VSTM2L: variants seen among roughly 807,000 people sequenced by gnomAD.
VSTM2L encodes the protein V-set and transmembrane domain containing 2 like.
A neutral mutation model predicts 19.9 loss-of-function variants in VSTM2L; 9 were observed. The ratio of observed to expected loss-of-function variants is 0.45; its 90% CI spans 0.27 to 0.79. The LOEUF is 0.79. VSTM2L is among the 30% of genes least tolerant of loss of function. VSTM2L has a pLI of 0.15. For missense variants in VSTM2L, 286 were observed against 295.5 expected (o/e 0.97, Z 0.24); for synonymous variants, 127 against 133.8 (o/e 0.95, Z 0.35).
rs2072800460 is a variant in VSTM2L at position 37,914,368 on chromosome 20, ATG to A, written c.121+10904_121+10905del. ...GTGCATGTGTGTGGGGTGTTTATATATGTGTGTGGGTGTATGTGTGGGTGTGT... is the reference window on the plus strand; with the variant it reads ...GTGCATGTGTGTGGGGTGTTTATATATGTGTGGGTGTATGTGTGGGTGTGT... On this transcript the variant is annotated intron_variant, in intron 1 of 3. Coordinates refer to ENST00000373461, the MANE Select transcript of VSTM2L (RefSeq NM_080607.3). Among the ~76,000 whole-genome samples, 3 of 1,678 alleles carry A rather than the reference ATG, an allele frequency of 1.8e-3. No homozygotes were observed. The South Asian group carries it at 0.06, about 34-fold the overall frequency. The allele number at this position is 1,678 out of a possible 152,430, so 1.1% of individuals were successfully genotyped here.
intron 1 of VSTM2L, among the ~76,000 whole-genome samples, chr20:37,905,101 A>AG (rs1327953167): frequency 6.6e-6 from 1 of 152,030 alleles, no homozygotes; most frequent in African/African-American, 2.4e-5. Context: ...AGGCAAAGAC[A>AG]GCGCTTTTTT....
chr20:37,924,935 C>A (rs1266273705), intron 1 of VSTM2L, among the ~76,000 whole-genome samples: 1 of 152,094 alleles, frequency 6.6e-6, no homozygotes, highest in Non-Finnish European at 1.5e-5. Context: ...CTGGCAGACC[C>A]GTGGATCTTG....
intron 1 of VSTM2L, among the ~76,000 whole-genome samples, chr20:37,918,877 C>G (rs1000364468): frequency 3.3e-5 from 5 of 152,326 alleles, no homozygotes; most frequent in Admixed American, 3.3e-4. Flanking sequence ...AGAACCTGCA[C>G]CTCCTTCCAT....
At chr20:37,914,466 A>G (rs867451308) in intron 1 of VSTM2L, among the ~76,000 whole-genome samples, 809 of 4,058 alleles carry the variant, frequency 0.2, 5 homozygotes, top group Non-Finnish European at 0.3. Flanking sequence ...TATTGTGTGT[A>G]TGTGTGTATT....
At chr20:37,931,843 A>C (rs770847785) in intron 2 of VSTM2L, 39 bp downstream of exon 2, 1 of 1,596,884 alleles carries the variant, frequency 6.3e-7, no homozygotes, top group South Asian at 1.1e-5. Context: ...GGGCTGGGGA[A>C]GTCCTGGTCC....
intron 1 of VSTM2L, among the ~76,000 whole-genome samples, chr20:37,907,209 T>A (rs2072756025): frequency 6.6e-6 from 1 of 152,212 alleles, no homozygotes; most frequent in Non-Finnish European, 1.5e-5. Flanking sequence ...TGGGTTCAAA[T>A]GATCCTTTTA....
At chr20:37,934,118 G>A (rs2072926291) in intron 3 of VSTM2L, among the ~76,000 whole-genome samples, 1 of 152,246 alleles carries the variant, frequency 6.6e-6, no homozygotes, top group Admixed American at 6.5e-5. Context: ...GGGCAGCTGA[G>A]GCTCAGGAGG....
At chr20:37,927,848 C>G (rs2072887175) in intron 1 of VSTM2L, among the ~76,000 whole-genome samples, 1 of 152,200 alleles carries the variant, frequency 6.6e-6, no homozygotes, top group Admixed American at 6.5e-5. Context: ...ACATTGTCTC[C>G]CGTGCCCCCG....
intron 1 of VSTM2L, among the ~76,000 whole-genome samples, chr20:37,911,500 G>A (rs2072779447): frequency 6.6e-6 from 1 of 152,248 alleles, no homozygotes; most frequent in Non-Finnish European, 1.5e-5. Flanking sequence ...CGGCAATTTA[G>A]TGTGTGCTGG....
At chr20:37,933,316 T>C (rs536721279) in intron 2 of VSTM2L, among the ~76,000 whole-genome samples, 1 of 152,330 alleles carries the variant, frequency 6.6e-6, no homozygotes, top group Non-Finnish European at 1.5e-5. Context: ...GTTTTCTACA[T>C]ACCTCCATTA....
chr20:37,939,444 CGAAA>C (rs754875974), intron 3 of VSTM2L, among the ~76,000 whole-genome samples: 70 of 151,986 alleles, frequency 4.6e-4, no homozygotes, highest in Middle Eastern at 3.4e-3. Flanking sequence ...AAAGAAAGAA[CGAAA>C]GAAAGAAAGA....
intron 1 of VSTM2L, among the ~76,000 whole-genome samples, chr20:37,909,390 G>A (rs911474572): frequency 3.3e-5 from 5 of 152,080 alleles, no homozygotes; most frequent in Non-Finnish European, 5.9e-5. Context: ...TTTGGGGCCC[G>A]CTGGGCACAC....
chr20:37,935,000 C>T (rs1055132872), intron 3 of VSTM2L, among the ~76,000 whole-genome samples: 1 of 152,132 alleles, frequency 6.6e-6, no homozygotes, highest in Non-Finnish European at 1.5e-5. Flanking sequence ...ATCCGTTAAG[C>T]CCAGGCAGGT....
intron 1 of VSTM2L, among the ~76,000 whole-genome samples, chr20:37,909,647 C>A (rs1600559839): frequency 6.6e-6 from 1 of 152,206 alleles, no homozygotes; most frequent in Non-Finnish European, 1.5e-5. Context: ...CTGAGCAGAG[C>A]AAGGACATCC....
Position 37,944,325 on chromosome 20 carries a change from G to A in VSTM2L, c.*72G>A. ...GCATGAGGAGCCGCCGGACCACCGGGGACCGACTGCCTGCGTCCAGCCGCG... is the reference window on the plus strand; with the variant it reads ...GCATGAGGAGCCGCCGGACCACCGGAGACCGACTGCCTGCGTCCAGCCGCG... On this transcript the variant is annotated 3_prime_UTR_variant, in exon 4 of 4. Coordinates refer to ENST00000373461, the MANE Select transcript of VSTM2L (RefSeq NM_080607.3). 7 of 1,347,310 alleles carry A rather than the reference G, an allele frequency of 5.2e-6. No homozygotes were observed. The South Asian group carries it at 1.1e-4, about 20-fold the overall frequency. 83.5% of individuals were successfully genotyped at this position (1,347,310 alleles called of 1,614,324 possible).
intron 3 of VSTM2L, 64 bp from the exon 4 acceptor site, chr20:37,943,917 C>CCCG (rs1568845272): frequency 2.2e-6 from 2 of 909,422 alleles, no homozygotes; most frequent in African/African-American, 3.5e-5. Context: ...GACCCCCCCC[C>CCCG]CCGACTCTTC....
Position 37,917,333 on chromosome 20 carries a change from G to GAA in VSTM2L, c.121+13871_121+13872dup, listed in dbSNP as rs140311195. Among the ~76,000 whole-genome samples, 25 of 149,244 alleles carry GAA rather than the reference G, an allele frequency of 1.7e-4. No individual in the cohort carries two copies. In the South Asian group the frequency reaches 5.3e-3, roughly 32 times the overall value. On this transcript the variant is annotated intron_variant, in intron 1 of 3. Transcript: ENST00000373461. ...CTGTCTCAAAAAAGAAAGAAAAAAA[G>GAA]AAAAAAAAAATGTTAGCTATTTAAA...
intron 2 of VSTM2L, 55 bp from the exon 3 acceptor site, chr20:37,933,484 C>A: frequency 1.4e-6 from 2 of 1,383,880 alleles, no homozygotes; most frequent in East Asian, 2.3e-5. Flanking sequence ...ACCCCACCCC[C>A]ACCCTGTGCT....
chr20:37,930,548 G>T (rs935924531), intron 1 of VSTM2L, among the ~76,000 whole-genome samples: 16 of 152,242 alleles, frequency 1.1e-4, no homozygotes, highest in African/African-American at 3.9e-4. Context: ...GAAGAGGAAA[G>T]AATTCTAATT....
Sources: gnomAD v4.1 joint callset for allele counts (sites outside exome capture counted in the v4.1 genomes callset) on GRCh38, gnomAD v4.1.1 for gene constraint, MANE v1.5 for transcripts, NCBI Gene and HGNC (gene_info 2026-07-23, HGNC 2026-07-21) for gene names.